The following NAV3 variants were observed in gnomAD, a reference collection of about 807,000 sequenced individuals.
The protein encoded by NAV3 is pore membrane and/or filament interacting like protein 1.
NAV3 carries 87 observed loss-of-function variants against 244.7 expected under a neutral mutation model. The ratio of observed to expected loss-of-function variants is 0.36; its 90% CI spans 0.30 to 0.42. The LOEUF is 0.42. NAV3 is among the 20% of genes least tolerant of loss of function. NAV3 has a pLI of 1.00. For synonymous variants in NAV3, 1,126 were observed against 1,042.2 expected, an observed-to-expected ratio of 1.08 and a Z score of -1.55; for missense variants, 2,663 against 2,893.3, an observed-to-expected ratio of 0.92 and a Z score of 1.83.
At chr12:78,114,233 C>T (rs955260822) in intron 12 of NAV3, among the ~76,000 whole-genome samples, 7 of 152,178 alleles carry the variant, frequency 4.6e-5, no homozygotes, top group Non-Finnish European at 1.0e-4. Flanking sequence ...CCCACATCTT[C>T]CTATCTTTTT....
chr12:77,680,032 G>C (rs1249067743), intron 2 of NAV3, among the ~76,000 whole-genome samples: 1 of 152,138 alleles, frequency 6.6e-6, no homozygotes, highest in Non-Finnish European at 1.5e-5. Flanking sequence ...GAAATAAGAG[G>C]ATGCACAAGT....
chr12:78,106,060 TA>T (rs1377118683), intron 12 of NAV3, among the ~76,000 whole-genome samples: 2 of 151,660 alleles, frequency 1.3e-5, no homozygotes, highest in Non-Finnish European at 2.9e-5. Flanking sequence ...TAGCTATGAA[TA>T]AAAGGCTTTC....
intron 1 of NAV3, among the ~76,000 whole-genome samples, chr12:77,931,322 G>A (rs890588988): frequency 6.6e-6 from 1 of 152,058 alleles, no homozygotes; most frequent in Admixed American, 6.6e-5. Flanking sequence ...GTGTGTGGGT[G>A]TAAGTGTGCA....
intron 8 of NAV3, among the ~76,000 whole-genome samples, chr12:78,017,196 G>T (rs76630998): frequency 0.018 from 2,784 of 152,190 alleles, 97 homozygotes; most frequent in African/African-American, 0.063. Flanking sequence ...ACCACACTTG[G>T]CACATATTAA....
chr12:78,129,348 A>G (rs181499074), intron 18 of NAV3, among the ~76,000 whole-genome samples: 195 of 152,338 alleles, frequency 1.3e-3, no homozygotes, highest in Non-Finnish European at 2.3e-3. Context: ...AGAAAAAAAT[A>G]TGTAATTCCA....
chr12:77,904,249 G>A (rs1885680041), intron 1 of NAV3, among the ~76,000 whole-genome samples: 1 of 152,160 alleles, frequency 6.6e-6, no homozygotes, highest in Non-Finnish European at 1.5e-5. Context: ...CAAGCCAAAT[G>A]TCCAACAATG....
chr12:77,949,087 C>A (rs1890634451), intron 3 of NAV3, among the ~76,000 whole-genome samples: 2 of 152,002 alleles, frequency 1.3e-5, no homozygotes, highest in East Asian at 3.9e-4. Flanking sequence ...TATTGACATT[C>A]CTTGTTACAC....
chr12:77,590,204 C>G (rs1245847967), intron 2 of NAV3, among the ~76,000 whole-genome samples: 1 of 152,160 alleles, frequency 6.6e-6, no homozygotes, highest in Non-Finnish European at 1.5e-5. Context: ...CACTTTTGGT[C>G]AGGATTTAGG....
At chr12:77,822,487 G>A (rs1872786268) in intron 2 of NAV3, among the ~76,000 whole-genome samples, 1 of 151,984 alleles carries the variant, frequency 6.6e-6, no homozygotes, top group Admixed American at 6.6e-5. Context: ...ATTTTTTTCT[G>A]AGATATCTGA....
intron 2 of NAV3, among the ~76,000 whole-genome samples, chr12:77,782,831 C>G (rs2135920440): frequency 6.6e-6 from 1 of 152,172 alleles, no homozygotes; most frequent in South Asian, 2.1e-4. Context: ...TTGGGATTTC[C>G]ACATTTGAAA....
intron 2 of NAV3, among the ~76,000 whole-genome samples, chr12:77,723,500 C>T (rs1019090522): frequency 2.0e-5 from 3 of 151,868 alleles, no homozygotes; most frequent in Non-Finnish European, 2.9e-5. Context: ...TATTAAGAAG[C>T]CAATGATAAA....
chr12:77,626,253 A>T (rs1871615758), intron 2 of NAV3, among the ~76,000 whole-genome samples: 1 of 151,240 alleles, frequency 6.6e-6, no homozygotes, highest in Admixed American at 6.6e-5. Context: ...TCAGACCAGA[A>T]AAAAAAAAGG....
chr12:77,783,301 C>G (rs938533090), intron 2 of NAV3: 5 of 152,014 alleles, frequency 3.3e-5, no homozygotes, highest in Admixed American at 3.3e-4. Context: ...ACATGGAGAC[C>G]ATGACTGTGA....
At chr12:77,843,743 A>C (rs115373039) in intron 1 of NAV3, among the ~76,000 whole-genome samples, 1,750 of 152,262 alleles carry the variant, frequency 0.011, 28 homozygotes, top group African/African-American at 0.04. Context: ...TGACGATCAA[A>C]AATATATCCA....
At chr12:77,721,854 A>G (rs924136871) in intron 2 of NAV3, among the ~76,000 whole-genome samples, 2 of 152,134 alleles carry the variant, frequency 1.3e-5, no homozygotes, top group Admixed American at 1.3e-4. Context: ...TTGAAATCCC[A>G]AAGTCTATGA....
At chr12:78,031,156 T>G (rs1878914779) in intron 9 of NAV3, among the ~76,000 whole-genome samples, 1 of 152,178 alleles carries the variant, frequency 6.6e-6, no homozygotes, top group Admixed American at 6.5e-5. Flanking sequence ...CTATATAACA[T>G]TCAGAGTCCT....
chr12:77,982,221 G>GGCTTAATAGACATGTTAATTAATTCAAC (rs1371254818), intron 5 of NAV3, among the ~76,000 whole-genome samples: 1,908 of 129,154 alleles, frequency 0.015, 463 homozygotes, highest in South Asian at 0.019. Context: ...ATGGCTTAAT[G>GGCTTAATAGACATGTTAATTAATTCAAC]AAAGATGATT....
chr12:77,830,713 T>C (rs2136064079), upstream of NAV3, among the ~76,000 whole-genome samples: 1 of 152,370 alleles, frequency 6.6e-6, no homozygotes, highest in South Asian at 2.1e-4. Context: ...GGCTCATGGC[T>C]GTCAGTAGTG....
At chr12:78,064,466 T>TGC (rs1566082445) in intron 12 of NAV3, among the ~76,000 whole-genome samples, 9 of 118,040 alleles carry the variant, frequency 7.6e-5, no homozygotes, top group South Asian at 6.3e-4. Context: ...TGCCTGCCTG[T>TGC]CTGTCTATAT....
Sources: gnomAD v4.1 joint callset for allele counts (sites outside exome capture counted in the v4.1 genomes callset) on GRCh38, gnomAD v4.1.1 for gene constraint, MANE v1.5 for transcripts, NCBI Gene and HGNC (gene_info 2026-07-23, HGNC 2026-07-21) for gene names.